The following EPHA4 variants were observed in gnomAD, a reference collection of about 807,000 sequenced individuals.
EPHA4 encodes the protein ephrin type-A receptor 4.
A neutral mutation model predicts 108.3 loss-of-function variants in EPHA4; 19 were observed. The ratio of observed to expected loss-of-function variants is 0.18; its 90% CI spans 0.12 to 0.26. The LOEUF (loss-of-function observed/expected upper bound fraction) is 0.26, where lower values mean the gene tolerates loss of function less well. Among genes scored for constraint, EPHA4 ranks in the 10% least tolerant of loss-of-function variants. The probability of loss-of-function intolerance (pLI) is 1.00; values close to 1 mark genes in which losing one functional copy is unlikely to be tolerated. For synonymous variants in EPHA4, 449 were observed against 455.5 expected, an observed-to-expected ratio of 0.99 and a Z score of 0.18; for missense variants, 917 against 1,254.0, an observed-to-expected ratio of 0.73 and a Z score of 4.06.
chr2:221,434,254 G>T lies in EPHA4; in HGVS notation c.2384C>A (p.Ala795Glu). 1 of 1,614,084 alleles carries T rather than the reference G, an allele frequency of 6.2e-7. No homozygotes were observed. The highest frequency in any genetic ancestry group is 8.5e-7 in the Non-Finnish European group (1 of 1,179,974). Reference protein sequence around the residue: ...KIPIRWTAPEAIAYRKFTSAS... With the variant: ...KIPIRWTAPEEIAYRKFTSAS... ...TGATGTGAATTTACGATAGGCAATT[G>T]CTTCTGGCGCAGTCCACCGGATAGG... Residue 795 changes from alanine to glutamate, a missense_variant, in exon 14 of 18, where the codon GCA becomes GAA. By Grantham distance (107) the Ala-to-Glu change is moderately radical (BLOSUM62 -1). This residue lies in a region of EPHA4 where 758 missense variants were observed against 1,076.7 expected (regional missense o/e 0.70). Transcript: ENST00000281821.
In EPHA4 at chr2:221,524,278, C is replaced by T. The variant is rs149256943; in HGVS notation, c.824-23106G>A. On this transcript the variant is annotated intron_variant, in intron 3 of 17. Transcript: ENST00000281821. ...ACCCATCAGGTACTGCCTGAGCACC[C>T]TTTAATGCTAGGCTTCGGGGTAAAA... Among the ~76,000 whole-genome samples, 1,014 of 152,328 alleles carry T rather than the reference C, an allele frequency of 6.7e-3. 11 individuals are homozygous for T. The highest frequency in any genetic ancestry group is 0.024 in the African/African-American group (978 of 41,574).
chr2:221,496,398 A>T (rs896873529), intron 4 of EPHA4, among the ~76,000 whole-genome samples: 3 of 152,228 alleles, frequency 2.0e-5, no homozygotes, highest in Non-Finnish European at 4.4e-5. Context: ...TCAAGTGTCT[A>T]CAGTACTAGA....
intron 4 of EPHA4, among the ~76,000 whole-genome samples, chr2:221,486,092 C>T (rs972845820): frequency 1.3e-5 from 2 of 152,158 alleles, no homozygotes; most frequent in Non-Finnish European, 1.5e-5. Flanking sequence ...AATATGTCCA[C>T]CTGCGAGTAA....
At chr2:221,566,308 A>C (rs1694625593) in intron 2 of EPHA4, among the ~76,000 whole-genome samples, 1 of 152,176 alleles carries the variant, frequency 6.6e-6, no homozygotes, top group Admixed American at 6.5e-5. Flanking sequence ...TTAACAGTGA[A>C]TAAAGACATT....
intron 11 of EPHA4, among the ~76,000 whole-genome samples, chr2:221,441,016 C>G (rs1048087481): frequency 2.0e-5 from 3 of 152,052 alleles, no homozygotes; most frequent in Non-Finnish European, 2.9e-5. Flanking sequence ...GCAGGAGGCC[C>G]AAGAAACTGT....
chr2:221,539,204 T>C (rs535235917), intron 3 of EPHA4, among the ~76,000 whole-genome samples: 1 of 152,332 alleles, frequency 6.6e-6, no homozygotes, highest in African/African-American at 2.4e-5. Flanking sequence ...ACGGTTCATG[T>C]GTGTTTCACG....
At chr2:221,508,828 C>G (rs1480598417) in intron 3 of EPHA4, among the ~76,000 whole-genome samples, 1 of 152,134 alleles carries the variant, frequency 6.6e-6, no homozygotes, top group East Asian at 1.9e-4. Flanking sequence ...AGGAAACTTA[C>G]CAAACTAATA....
At chr2:221,539,963 G>A (rs377701174) in intron 3 of EPHA4, among the ~76,000 whole-genome samples, 2 of 152,030 alleles carry the variant, frequency 1.3e-5, no homozygotes, top group Non-Finnish European at 2.9e-5. Flanking sequence ...TGTTGCCCAG[G>A]CTGGAGTGCA....
At chr2:221,495,259 A>G (rs1559265654) in intron 4 of EPHA4, among the ~76,000 whole-genome samples, 1 of 152,246 alleles carries the variant, frequency 6.6e-6, no homozygotes, top group Admixed American at 6.5e-5. Context: ...ATCAGAATCC[A>G]TGAAATACCT....
intron 4 of EPHA4, among the ~76,000 whole-genome samples, chr2:221,498,111 A>G (rs749924622): frequency 6.6e-6 from 1 of 152,206 alleles, no homozygotes; most frequent in Non-Finnish European, 1.5e-5. Context: ...CTAAACTCCC[A>G]AGTAGCAAGA....
intron 3 of EPHA4, among the ~76,000 whole-genome samples, chr2:221,554,444 G>A (rs930630271): frequency 6.6e-6 from 1 of 152,160 alleles, no homozygotes; most frequent in Non-Finnish European, 1.5e-5. Flanking sequence ...TATGATCGTG[G>A]CCTTTCAGAA....
At chr2:221,455,680 G>A in intron 7 of EPHA4, 22 bp from the exon 8 acceptor site, 1 of 1,572,956 alleles carries the variant, frequency 6.4e-7, no homozygotes, top group Non-Finnish European at 8.7e-7. Context: ...AATTGCATAA[G>A]GGTCACCTTT....
Position 221,571,386 on chromosome 2 carries a change from G to C in EPHA4, c.91+772C>G, listed in dbSNP as rs926393964. 1.1e-4 allele frequency among the ~76,000 whole-genome samples: 15 copies of C among 138,154 alleles called. No homozygotes were observed. The highest frequency in any genetic ancestry group is 3.5e-3 in the Middle Eastern group (1 of 286). 90.6% of individuals were successfully genotyped at this position (138,154 alleles called of 152,430 possible). A position where few individuals can be genotyped will look rare whatever the true frequency, so the allele number is the denominator to read the frequency against. Reference sequence around the variant, plus strand: ...TACAATCCTCCCAGCACGTCCGAACGGATGCACAGAAAACTGAGCACCCAG... The same window carrying C: ...TACAATCCTCCCAGCACGTCCGAACCGATGCACAGAAAACTGAGCACCCAG... On this transcript the variant is annotated intron_variant, in intron 1 of 17. Transcript: ENST00000281821. The surrounding 1 kb of genome is among the most constrained non-coding windows in gnomAD (Gnocchi z 6.3).
At chr2:221,552,443 C>A (rs1694189853) in intron 3 of EPHA4, among the ~76,000 whole-genome samples, 1 of 152,172 alleles carries the variant, frequency 6.6e-6, no homozygotes, top group South Asian at 2.1e-4. Flanking sequence ...CCCACTTGGG[C>A]TACTGACAGT....
At chr2:221,493,313 C>G (rs1424380379) in intron 4 of EPHA4, among the ~76,000 whole-genome samples, 1 of 152,122 alleles carries the variant, frequency 6.6e-6, no homozygotes, top group Admixed American at 6.6e-5. Context: ...CTCTAGACAT[C>G]CCTCCCCAAA....
At chr2:221,431,963 C>T (rs1479499647) in intron 14 of EPHA4, among the ~76,000 whole-genome samples, 1 of 152,030 alleles carries the variant, frequency 6.6e-6, no homozygotes, top group Non-Finnish European at 1.5e-5. Context: ...AAGTAATTCC[C>T]CAGATACATT....
intron 3 of EPHA4, among the ~76,000 whole-genome samples, chr2:221,531,997 T>A (rs544201584): frequency 6.6e-6 from 1 of 152,334 alleles, no homozygotes; most frequent in East Asian, 1.9e-4. Flanking sequence ...CTGACCCCTT[T>A]CTTTTACCAA....
Position 221,419,864 on chromosome 2 carries a change from A to T in EPHA4, c.*1508T>A, listed in dbSNP as rs1021271495. 6.6e-6 allele frequency: 1 copy of T among 152,542 alleles called. No individual in the cohort carries two copies. Among genetic ancestry groups the T allele is most frequent in the Non-Finnish European group, 1.5e-5 (1 of 68,052 alleles). 9.4% of individuals were successfully genotyped at this position (152,542 alleles called of 1,614,324 possible). On this transcript the variant is annotated 3_prime_UTR_variant, in exon 18 of 18. Coordinates refer to ENST00000281821, the MANE Select transcript of EPHA4 (RefSeq NM_004438.5). ...GTTCTTCATCTTGAAACTGGTGGAAAACCAGAACTCTCCAGGTGTAGCATT... is the reference window on the plus strand; with the variant it reads ...GTTCTTCATCTTGAAACTGGTGGAATACCAGAACTCTCCAGGTGTAGCATT...
intron 3 of EPHA4, among the ~76,000 whole-genome samples, chr2:221,511,573 G>A (rs1416108489): frequency 2.3e-5 from 3 of 132,912 alleles, no homozygotes; most frequent in South Asian, 2.3e-4. Context: ...ACATGTCTGC[G>A]GGAGTCTGTC....
Sources: allele counts gnomAD v4.1 joint callset (sites outside exome capture counted in the v4.1 genomes callset), GRCh38; gene constraint gnomAD v4.1.1; regional missense constraint gnomAD v4.1.1; non-coding constraint Gnocchi (gnomAD v3.1); transcripts MANE v1.5; gene names NCBI Gene and HGNC (gene_info 2026-07-23, HGNC 2026-07-21).